CRADD: variants seen among roughly 807,000 people sequenced by gnomAD.
CRADD encodes CARD and death domain containing adaptor protein, also known as death domain-containing protein CRADD.
A neutral mutation model predicts 15.5 loss-of-function variants in CRADD; 9 were observed. The observed-to-expected ratio is 0.58, with a 90% CI of 0.35 to 1.01. The LOEUF is 1.01. CRADD is among the 50% of genes least tolerant of loss of function. The pLI is 0.02. For synonymous variants in CRADD, 118 were observed against 107.6 expected (o/e 1.10, Z -0.60); for missense variants, 227 against 250.3 (o/e 0.91, Z 0.63).
chr12:93,885,138 CTG>C (rs1251392496), intron 2 of CRADD, among the ~76,000 whole-genome samples: 1 of 152,210 alleles, frequency 6.6e-6, no homozygotes, highest in Non-Finnish European at 1.5e-5. Flanking sequence ...GAAAGGTTAA[CTG>C]AAGTTTGGTG....
At chr12:93,729,124 G>C (rs1219470344) in intron 2 of CRADD, among the ~76,000 whole-genome samples, 1 of 152,104 alleles carries the variant, frequency 6.6e-6, no homozygotes, top group African/African-American at 2.4e-5. Flanking sequence ...CATTAGCTCA[G>C]GTCAAGTTTT....
intron 2 of CRADD, chr12:93,846,339 T>G (rs1247392029): frequency 6.6e-6 from 1 of 152,148 alleles, no homozygotes; most frequent in Non-Finnish European, 1.5e-5. Flanking sequence ...ATTTTTAAAT[T>G]TTTGAGGAAC....
Position 93,751,434 on chromosome 12 carries a change from G to A in CRADD, c.298+72362G>A, listed in dbSNP as rs533026732. ...AAGAAAATGAAGATTAATACATGCT[G>A]TATTTTGAACAGATGACACATAAAG... On this transcript the variant is annotated intron_variant, in intron 2 of 2. Coordinates refer to ENST00000332896, the MANE Select transcript of CRADD (RefSeq NM_003805.5). Among the ~76,000 whole-genome samples the A allele has an allele frequency of 1.2e-4, 18 of 152,326 alleles. 1 individual carries two copies. Among genetic ancestry groups the A allele is most frequent in the East Asian group, 9.6e-4 (5 of 5,192 alleles).
chr12:93,701,453 C>T (rs1955843752), intron 2 of CRADD, among the ~76,000 whole-genome samples: 1 of 152,184 alleles, frequency 6.6e-6, no homozygotes, highest in African/African-American at 2.4e-5. Context: ...TCTCAAGATT[C>T]CCTCATGGTC....
rs181183715 is a variant in CRADD at position 93,805,836 on chromosome 12, G to C, written c.299-44134G>C. 3.6e-3 allele frequency among the ~76,000 whole-genome samples: 553 copies of C among 152,240 alleles called. 2 individuals are homozygous for C. Among genetic ancestry groups the C allele is most frequent in the African/African-American group, 0.013 (523 of 41,562 alleles). On this transcript the variant is annotated intron_variant, in intron 2 of 2. Transcript: ENST00000332896. ...CCTTGGTGATGACATATCTGTCAGA[G>C]GGAAAGAAGGAGGGCATTGATTATC...
chr12:93,776,222 G>C (rs1957138987), intron 2 of CRADD, among the ~76,000 whole-genome samples: 1 of 152,026 alleles, frequency 6.6e-6, no homozygotes, highest in Admixed American at 6.6e-5. Context: ...CTGCTTTTCT[G>C]TGATTCTTAT....
chr12:93,780,742 T>G, intron 2 of CRADD, among the ~76,000 whole-genome samples: 1 of 132,526 alleles, frequency 7.5e-6, no homozygotes, highest in South Asian at 2.5e-4. Context: ...CTTGATTACC[T>G]TTTTTTTTTT....
downstream of CRADD, among the ~76,000 whole-genome samples, chr12:93,853,869 T>C (rs1160768952): frequency 6.6e-6 from 1 of 152,218 alleles, no homozygotes; most frequent in African/African-American, 2.4e-5. Context: ...TTCCAGTGTG[T>C]GGATGCGCCG....
intron 2 of CRADD, among the ~76,000 whole-genome samples, chr12:93,827,127 A>G (rs1319583664): frequency 6.6e-6 from 1 of 152,180 alleles, no homozygotes; most frequent in Admixed American, 6.5e-5. Flanking sequence ...TGATGTTTCC[A>G]CACACTTATA....
chr12:93,716,884 G>A (rs190913251), intron 2 of CRADD, among the ~76,000 whole-genome samples: 10 of 152,214 alleles, frequency 6.6e-5, no homozygotes, highest in Admixed American at 3.3e-4. Context: ...GTTCATTTAG[G>A]TAAATATCAA....
intron 2 of CRADD, among the ~76,000 whole-genome samples, chr12:93,728,113 A>T (rs911897074): frequency 6.6e-6 from 1 of 152,214 alleles, no homozygotes; most frequent in African/African-American, 2.4e-5. Flanking sequence ...TTACGTGTTC[A>T]ATACATGTTT....
At chr12:93,808,239 T>C (rs1425461035) in intron 2 of CRADD, among the ~76,000 whole-genome samples, 8 of 152,008 alleles carry the variant, frequency 5.3e-5, no homozygotes, top group Non-Finnish European at 1.0e-4. Flanking sequence ...GGCTAATTTA[T>C]AAAGGAGAGG....
At chr12:93,813,413 A>G (rs1258439476) in intron 2 of CRADD, among the ~76,000 whole-genome samples, 1 of 152,242 alleles carries the variant, frequency 6.6e-6, no homozygotes, top group Non-Finnish European at 1.5e-5. Context: ...CTTCAGACAC[A>G]CAGAATTTCA....
chr12:93,700,769 T>G (rs1027854242), intron 2 of CRADD, among the ~76,000 whole-genome samples: 3 of 152,116 alleles, frequency 2.0e-5, no homozygotes, highest in Non-Finnish European at 4.4e-5. Flanking sequence ...GGGTTTTGTT[T>G]GTTTGATTTT....
chr12:93,854,870 G>T (rs1042235384), downstream of CRADD, among the ~76,000 whole-genome samples: 2 of 152,134 alleles, frequency 1.3e-5, no homozygotes, highest in African/African-American at 4.8e-5. Flanking sequence ...AAACTATTTT[G>T]ACTTTTTAAT....
At chr12:93,767,606 A>C (rs977988113) in intron 2 of CRADD, among the ~76,000 whole-genome samples, 1 of 152,178 alleles carries the variant, frequency 6.6e-6, no homozygotes, top group Non-Finnish European at 1.5e-5. Flanking sequence ...ACAGATGAGA[A>C]ACCTAAGTTT....
At chr12:93,870,789 T>TG (rs1306742389) in intron 2 of CRADD, among the ~76,000 whole-genome samples, 1 of 152,210 alleles carries the variant, frequency 6.6e-6, no homozygotes, top group Admixed American at 6.5e-5. Flanking sequence ...TTGAGTGGCA[T>TG]GGGGGTTCTT....
intron 2 of CRADD, among the ~76,000 whole-genome samples, chr12:93,687,997 C>G (rs1013418609): frequency 6.6e-6 from 1 of 152,138 alleles, no homozygotes. Flanking sequence ...ACATGCAGTA[C>G]CTTGTGCTCT....
intron 2 of CRADD, among the ~76,000 whole-genome samples, chr12:93,785,133 C>T (rs1957264442): frequency 6.6e-6 from 1 of 151,868 alleles, no homozygotes; most frequent in South Asian, 2.1e-4. Flanking sequence ...GCATATACTC[C>T]AAACACCTCT....
Sources: allele counts gnomAD v4.1 joint callset (sites outside exome capture counted in the v4.1 genomes callset), GRCh38; gene constraint gnomAD v4.1.1; transcripts MANE v1.5; gene names NCBI Gene and HGNC (gene_info 2026-07-23, HGNC 2026-07-21).